Variants in COL25A1 observed in about 807,000 individuals in gnomAD.
The protein encoded by COL25A1 is collagen alpha-1(XXV) chain.
In COL25A1, 103 loss-of-function variants were observed where a neutral mutation model predicts 128.4. That is an observed-to-expected ratio of 0.80 (90% CI 0.68 to 0.94). COL25A1 has a LOEUF of 0.94. COL25A1 is among the 40% of genes least tolerant of loss of function. The probability of loss-of-function intolerance (pLI) is 0.00; values close to 1 mark genes in which losing one functional copy is unlikely to be tolerated. For missense variants in COL25A1, 745 were observed against 840.0 expected, an observed-to-expected ratio of 0.89 and a Z score of 1.40; for synonymous variants, 279 against 277.2, an observed-to-expected ratio of 1.01 and a Z score of -0.06.
chr4:108,843,140 C>A (rs1421936512), intron 30 of COL25A1, among the ~76,000 whole-genome samples: 4 of 96,912 alleles, frequency 4.1e-5, no homozygotes, highest in African/African-American at 1.7e-4. Flanking sequence ...CAGAGTGAGA[C>A]CCTGTCTCAA....
At chr4:109,050,083 C>A in intron 4 of COL25A1, 52 bp downstream of exon 4, 1 of 1,477,994 alleles carries the variant, frequency 6.8e-7, no homozygotes, top group South Asian at 1.2e-5. Flanking sequence ...GAACAGATGC[C>A]GGAACTTAAC....
chr4:109,283,434 CT>C (rs879875136), intron 3 of COL25A1, among the ~76,000 whole-genome samples: 21 of 147,904 alleles, frequency 1.4e-4, no homozygotes, highest in South Asian at 2.2e-4. Flanking sequence ...TTTTCTTTTT[CT>C]TTTTTTTTTA....
At chr4:108,863,109 G>T (rs1737455527) in intron 21 of COL25A1, among the ~76,000 whole-genome samples, 1 of 152,250 alleles carries the variant, frequency 6.6e-6, no homozygotes, top group East Asian at 1.9e-4. Flanking sequence ...ATTTGGATAT[G>T]CTATCAATTT....
intron 5 of COL25A1, among the ~76,000 whole-genome samples, chr4:109,041,796 C>T (rs920389594): frequency 2.0e-5 from 3 of 152,122 alleles, no homozygotes; most frequent in South Asian, 2.1e-4. Context: ...GCTGTGTAAC[C>T]GTGCCCAAGA....
chr4:108,952,755 A>T (rs1402472632), intron 8 of COL25A1, among the ~76,000 whole-genome samples: 1 of 151,894 alleles, frequency 6.6e-6, no homozygotes, highest in Non-Finnish European at 1.5e-5. Context: ...TCAGGAAAGA[A>T]GATCAGTAGC....
At chr4:109,168,003 GA>G (rs1560801975) in intron 3 of COL25A1, among the ~76,000 whole-genome samples, 1 of 152,084 alleles carries the variant, frequency 6.6e-6, no homozygotes, top group Non-Finnish European at 1.5e-5. Context: ...GGTAGAAAGG[GA>G]TAACAGTAAT....
chr4:109,187,139 T>G (rs1775210886), intron 3 of COL25A1, among the ~76,000 whole-genome samples: 1 of 149,650 alleles, frequency 6.7e-6, no homozygotes, highest in South Asian at 2.2e-4. Flanking sequence ...GTCATGCGAT[T>G]ATACCTTTTT....
intron 8 of COL25A1, among the ~76,000 whole-genome samples, chr4:108,969,913 T>C (rs1751736857): frequency 1.3e-5 from 2 of 149,928 alleles, no homozygotes; most frequent in Admixed American, 6.6e-5. Context: ...TATAAAATAA[T>C]TGTTTTGAGC....
intron 5 of COL25A1, among the ~76,000 whole-genome samples, chr4:109,017,765 C>T (rs1448904666): frequency 6.6e-6 from 1 of 152,130 alleles, no homozygotes; most frequent in Non-Finnish European, 1.5e-5. Flanking sequence ...CTTCCATCTA[C>T]AAAAACTTGA....
intron 3 of COL25A1, among the ~76,000 whole-genome samples, chr4:109,167,574 G>C (rs1361984485): frequency 6.6e-6 from 1 of 152,118 alleles, no homozygotes; most frequent in African/African-American, 2.4e-5. Context: ...TGTAATTGAA[G>C]TGATAAGATT....
chr4:108,834,342 G>A (rs1733523553), intron 31 of COL25A1: 2 of 1,550,412 alleles, frequency 1.3e-6, no homozygotes, highest in Non-Finnish European at 1.7e-6. Context: ...AGCAAGACAA[G>A]GGACTGACTC....
intron 3 of COL25A1, among the ~76,000 whole-genome samples, chr4:109,180,448 C>T (rs1774520545): frequency 6.6e-6 from 1 of 152,048 alleles, no homozygotes; most frequent in Admixed American, 6.6e-5. Flanking sequence ...GGACAAGCTA[C>T]CTAACCTCTC....
intron 15 of COL25A1, 140 bp downstream of exon 15, chr4:108,899,014 C>CTATCTAT (rs1553963418): frequency 1.7e-5 from 9 of 545,234 alleles, no homozygotes; most frequent in South Asian, 2.4e-5. Flanking sequence ...TATCTATATA[C>CTATCTAT]CTACCTACCT....
At chr4:109,157,421 G>C (rs1388328127) in intron 3 of COL25A1, among the ~76,000 whole-genome samples, 1 of 152,118 alleles carries the variant, frequency 6.6e-6, no homozygotes, top group Non-Finnish European at 1.5e-5. Context: ...GAGGCAAGTT[G>C]TTCCATAATT....
intron 5 of COL25A1, among the ~76,000 whole-genome samples, chr4:109,017,190 A>C (rs946534379): frequency 6.6e-6 from 1 of 152,210 alleles, no homozygotes; most frequent in Non-Finnish European, 1.5e-5. Flanking sequence ...CAGAGCCGGC[A>C]TCTGTGACAG....
chr4:109,189,597 GT>G (rs1775425676), intron 3 of COL25A1, among the ~76,000 whole-genome samples: 1 of 151,100 alleles, frequency 6.6e-6, no homozygotes, highest in Non-Finnish European at 1.5e-5. Flanking sequence ...CAACAAGTGG[GT>G]TTCAAGAACG....
chr4:108,953,746 C>T (rs1304189099), intron 8 of COL25A1, among the ~76,000 whole-genome samples: 1 of 152,060 alleles, frequency 6.6e-6, no homozygotes, highest in African/African-American at 2.4e-5. Flanking sequence ...TGTTTGTTAA[C>T]AATTCAAATT....
At chr4:109,012,558 A>G (rs3108319) in intron 5 of COL25A1, among the ~76,000 whole-genome samples, 77,647 of 151,998 alleles carry the variant, frequency 0.51, 22,579 homozygotes, top group African/African-American at 0.78. Flanking sequence ...TGGCGGGCCC[A>G]CACTTGGAGC....
intron 6 of COL25A1, among the ~76,000 whole-genome samples, chr4:109,003,247 T>A (rs769830752): frequency 6.6e-6 from 1 of 152,158 alleles, no homozygotes; most frequent in Admixed American, 6.5e-5. Flanking sequence ...AGAATCTACA[T>A]AGAACTTAAA....
Sources: gnomAD v4.1 joint callset for allele counts (sites outside exome capture counted in the v4.1 genomes callset) on GRCh38, gnomAD v4.1.1 for gene constraint, MANE v1.5 for transcripts, NCBI Gene and HGNC (gene_info 2026-07-23, HGNC 2026-07-21) for gene names.